PDZD2: variants seen among roughly 807,000 people sequenced by gnomAD.
The protein encoded by PDZD2 is PDZ domain containing 2.
PDZD2 carries 90 observed loss-of-function variants against 220.7 expected under a neutral mutation model. The observed-to-expected ratio is 0.41, with a 90% CI of 0.34 to 0.49. The LOEUF (loss-of-function observed/expected upper bound fraction) is 0.49, where lower values mean the gene tolerates loss of function less well. PDZD2 is among the 20% of genes least tolerant of loss of function. The probability of loss-of-function intolerance (pLI) is 0.28; values close to 1 mark genes in which losing one functional copy is unlikely to be tolerated. For synonymous variants in PDZD2, 1,375 were observed against 1,450.5 expected, an observed-to-expected ratio of 0.95 and a Z score of 1.18; for missense variants, 3,174 against 3,608.5, an observed-to-expected ratio of 0.88 and a Z score of 3.08.
intron 2 of PDZD2, among the ~76,000 whole-genome samples, chr5:31,831,379 G>A (rs901349672): frequency 1.3e-5 from 2 of 152,100 alleles, no homozygotes; most frequent in South Asian, 2.1e-4. Context: ...ACTTTGGGAG[G>A]CCGAGGCGGG....
At chr5:32,085,603 A>AC (rs902043464) in intron 19 of PDZD2, among the ~76,000 whole-genome samples, 1 of 149,656 alleles carries the variant, frequency 6.7e-6, no homozygotes, top group Non-Finnish European at 1.5e-5. Flanking sequence ...GTGCCACCAC[A>AC]CTCAGCTAAT....
intron 2 of PDZD2, among the ~76,000 whole-genome samples, chr5:31,852,222 T>C (rs549429149): frequency 6.6e-6 from 1 of 152,154 alleles, no homozygotes; most frequent in Non-Finnish European, 1.5e-5. Context: ...AAGATGAGGA[T>C]GGGGGCAGAA....
chr5:31,960,001 G>GACAC (rs923548979), intron 2 of PDZD2, among the ~76,000 whole-genome samples: 1 of 151,980 alleles, frequency 6.6e-6, no homozygotes, highest in African/African-American at 2.4e-5. Context: ...CTCTTATCAA[G>GACAC]ACACACTCAT....
At chr5:31,943,451 C>T (rs1293131757) in intron 2 of PDZD2, among the ~76,000 whole-genome samples, 1 of 152,092 alleles carries the variant, frequency 6.6e-6, no homozygotes, top group Non-Finnish European at 1.5e-5. Flanking sequence ...AGGACCCACC[C>T]AGATGAAGAA....
chr5:32,039,017 G>A (rs561678325), intron 7 of PDZD2, among the ~76,000 whole-genome samples: 1 of 152,216 alleles, frequency 6.6e-6, no homozygotes, highest in South Asian at 2.1e-4. Flanking sequence ...GGGCATGCCC[G>A]CACTGCTCCA....
rs143616733 is a variant in PDZD2, at chr5:31,821,391, T to A, written c.476+21667T>A. Among the ~76,000 whole-genome samples the A allele has an allele frequency of 7.2e-3, 1,066 of 148,044 alleles. 9 individuals carry two copies. The highest frequency in any genetic ancestry group is 0.027 in the African/African-American group (1,034 of 38,086). On this transcript the variant is annotated intron_variant, in intron 2 of 24. Transcript: ENST00000438447. The stretch of plus-strand genomic sequence containing the variant: ...GAGGTTTGAGTTATTATTATTATTT[T>A]TTTTTTTTGAGATGGAGTCTCACTC...
intron 19 of PDZD2, among the ~76,000 whole-genome samples, chr5:32,081,521 G>A (rs1045315632): frequency 2.0e-5 from 3 of 152,112 alleles, no homozygotes; most frequent in Non-Finnish European, 4.4e-5. Context: ...TGAAATACCC[G>A]ATTACCGGAT....
chr5:31,955,151 CT>C (rs748614170), intron 2 of PDZD2, among the ~76,000 whole-genome samples: 7 of 152,164 alleles, frequency 4.6e-5, no homozygotes, highest in Non-Finnish European at 1.0e-4. Context: ...TCCCTGTCTT[CT>C]TTCTTTTTTG....
At chr5:31,762,133 C>G (rs1427564872) in intron 1 of PDZD2, among the ~76,000 whole-genome samples, 9 of 152,246 alleles carry the variant, frequency 5.9e-5, no homozygotes. Context: ...GTCTAATCCC[C>G]TCCTACCAGG....
intron 2 of PDZD2, among the ~76,000 whole-genome samples, chr5:31,805,122 G>T (rs1754637388): frequency 6.6e-6 from 1 of 152,202 alleles, no homozygotes; most frequent in South Asian, 2.1e-4. Flanking sequence ...TTGAACCCAG[G>T]AGGTGGATGT....
At chr5:32,086,464 T>C (rs1374208299) in intron 19 of PDZD2, among the ~76,000 whole-genome samples, 3 of 152,158 alleles carry the variant, frequency 2.0e-5, no homozygotes, top group Non-Finnish European at 4.4e-5. Flanking sequence ...ATCATTTCTT[T>C]GTGGTAGGAA....
chr5:31,865,553 C>G (rs1255348635), intron 2 of PDZD2, among the ~76,000 whole-genome samples: 1 of 150,394 alleles, frequency 6.6e-6, no homozygotes, highest in African/African-American at 2.5e-5. Flanking sequence ...CTCAAACAAT[C>G]CTCCTGCCTC....
At chr5:31,898,202 AT>A (rs1257707750) in intron 2 of PDZD2, among the ~76,000 whole-genome samples, 1 of 152,234 alleles carries the variant, frequency 6.6e-6, no homozygotes, top group Non-Finnish European at 1.5e-5. Context: ...CTTGCTTCAA[AT>A]CTGTTAGACC....
At chr5:31,827,135 T>C (rs1335139598) in intron 2 of PDZD2, among the ~76,000 whole-genome samples, 5 of 152,184 alleles carry the variant, frequency 3.3e-5, no homozygotes, top group Non-Finnish European at 2.9e-5. Flanking sequence ...TTCCCCACTA[T>C]GGAGGGGTGA....
In PDZD2 at chr5:31,924,277, A is replaced by G. The variant is rs375778062; in HGVS notation, c.477-58878A>G. 5.3e-5 allele frequency among the ~76,000 whole-genome samples: 8 copies of G among 152,276 alleles called. No individual in the cohort carries two copies. The East Asian group carries it at 9.7e-4, about 18-fold the overall frequency. On this transcript the variant is annotated intron_variant, in intron 2 of 24. Transcript: ENST00000438447. The stretch of plus-strand genomic sequence containing the variant: ...AGAATGCCTGTTCCGCAAGCCTGCC[A>G]TTTGGCTTGTTCTCCCTGCTGTGCG...
intron 2 of PDZD2, among the ~76,000 whole-genome samples, chr5:31,813,717 G>A (rs565191292): frequency 3.9e-5 from 6 of 152,170 alleles, no homozygotes; most frequent in East Asian, 1.9e-4. Flanking sequence ...AAAATAAAAC[G>A]CACGGTTTTG....
intron 1 of PDZD2, among the ~76,000 whole-genome samples, chr5:31,777,392 G>GCCCCA (rs1165946868): frequency 3.3e-5 from 5 of 149,984 alleles, no homozygotes; most frequent in Non-Finnish European, 7.4e-5. Flanking sequence ...CCCTCCCCTC[G>GCCCCA]CCCCACCCCA....
Position 32,000,329 on chromosome 5 carries a change from GC to G in PDZD2, c.1254+62del. The stretch of plus-strand genomic sequence containing the variant: ...GGTGGCAGTGGTGAGTTGGGGTTGA[GC>G]CCCACCTCCCATGCCACACACACAC... On this transcript the variant is annotated intron_variant, in intron 5 of 24. Coordinates refer to ENST00000438447, the MANE Select transcript of PDZD2 (RefSeq NM_178140.4). The surrounding 1 kb of genome is among the most constrained non-coding windows in gnomAD (Gnocchi z 4.5). 1 of 1,547,964 alleles carries G rather than the reference GC, an allele frequency of 6.5e-7. No homozygotes were observed. The highest frequency in any genetic ancestry group is 8.9e-7 in the Non-Finnish European group (1 of 1,120,686).
chr5:32,071,562 C>T (rs2112389037), intron 16 of PDZD2, 144 bp downstream of exon 16: 3 of 700,606 alleles, frequency 4.3e-6, no homozygotes, highest in East Asian at 2.5e-5. Flanking sequence ...CGCAACAATG[C>T]TCATTTGAGA....
Sources: gnomAD v4.1 joint callset for allele counts (sites outside exome capture counted in the v4.1 genomes callset) on GRCh38, gnomAD v4.1.1 for gene constraint, Gnocchi (gnomAD v3.1) non-coding constraint, MANE v1.5 for transcripts, NCBI Gene and HGNC (gene_info 2026-07-23, HGNC 2026-07-21) for gene names.